HPSE2: variants seen among roughly 807,000 people sequenced by gnomAD.
HPSE2 encodes the protein heparanase 2 (inactive), also known as inactive heparanase-2.
In HPSE2, 38 loss-of-function variants were observed where a neutral mutation model predicts 60.5. The observed-to-expected ratio is 0.63, with a 90% CI of 0.48 to 0.82. The LOEUF (loss-of-function observed/expected upper bound fraction) is 0.82. Among genes scored for constraint, HPSE2 ranks in the 40% least tolerant of loss-of-function variants. HPSE2 has a pLI of 0.00. For synonymous variants in HPSE2, 295 were observed against 293.2 expected (o/e 1.01, Z -0.06); for missense variants, 713 against 740.4 (o/e 0.96, Z 0.43).
chr10:99,279,874 T>C, the HPSE2 span, among the ~76,000 whole-genome samples: 1 of 152,200 alleles, frequency 6.6e-6, no homozygotes, highest in East Asian at 1.9e-4. Context: ...GACGTGACTT[T>C]CCTGAAAAAT....
chr10:98,660,789 G>T (rs1017283331), intron 6 of HPSE2, among the ~76,000 whole-genome samples: 4 of 152,134 alleles, frequency 2.6e-5, no homozygotes, highest in African/African-American at 9.7e-5. Context: ...ATGGCATTTG[G>T]TGTCCCTTGA....
intron 3 of HPSE2, among the ~76,000 whole-genome samples, chr10:98,992,426 G>A (rs952750737): frequency 5.9e-5 from 9 of 152,144 alleles, no homozygotes; most frequent in Non-Finnish European, 1.3e-4. Context: ...ATGTGATTAT[G>A]TTGCTGCTAA....
At chr10:98,723,528 C>T (rs1296704944) in intron 4 of HPSE2, among the ~76,000 whole-genome samples, 2 of 152,132 alleles carry the variant, frequency 1.3e-5, no homozygotes, top group African/African-American at 4.8e-5. Flanking sequence ...GGAATAATTT[C>T]AGAAGGAATG....
chr10:98,823,130 G>T (rs1277868958), intron 3 of HPSE2, among the ~76,000 whole-genome samples: 1 of 152,112 alleles, frequency 6.6e-6, no homozygotes, highest in Non-Finnish European at 1.5e-5. Flanking sequence ...AAAGAATGTA[G>T]GCAGCCTCCT....
chr10:99,126,138 C>T lies in HPSE2; in HGVS notation c.610+18100G>A, dbSNP rs764415744. On this transcript the variant is annotated intron_variant, in intron 3 of 11. Transcript: ENST00000370552. The surrounding 1 kb of genome is among the most constrained non-coding windows in gnomAD (Gnocchi z 4.0). ...GAGTGAGGCACTGCAGGAACAAGAC[C>T]AGCCTTACCAACTGTGTGGGAGCTG... Among the ~76,000 whole-genome samples, 5 of 152,098 alleles carry T rather than the reference C, an allele frequency of 3.3e-5. No homozygotes were observed. Among genetic ancestry groups the T allele is most frequent in the Admixed American group, 6.5e-5 (1 of 15,270 alleles).
intron 5 of HPSE2, among the ~76,000 whole-genome samples, chr10:98,696,241 G>C (rs1948209196): frequency 6.7e-6 from 1 of 150,284 alleles, no homozygotes; most frequent in African/African-American, 2.4e-5. Context: ...ATTTTATGTA[G>C]GGACAGGGCC....
chr10:99,064,821 T>A (rs1449196073), intron 3 of HPSE2, among the ~76,000 whole-genome samples: 1 of 151,930 alleles, frequency 6.6e-6, no homozygotes, highest in East Asian at 1.9e-4. Flanking sequence ...TCAAGGAAAA[T>A]TTTTTAAAAG....
At chr10:99,298,177 C>T in the HPSE2 span, among the ~76,000 whole-genome samples, 12 of 152,264 alleles carry the variant, frequency 7.9e-5, no homozygotes, top group East Asian at 1.4e-3. Flanking sequence ...ACCTAGGCAA[C>T]GCTGTCTACC....
chr10:99,062,986 T>C (rs1184927882), intron 3 of HPSE2, among the ~76,000 whole-genome samples: 1 of 152,182 alleles, frequency 6.6e-6, no homozygotes, highest in Non-Finnish European at 1.5e-5. Flanking sequence ...CCCATTCACC[T>C]ATTTTCTACT....
In HPSE2 at chr10:98,932,782, C is replaced by T. The variant is rs1325430335; in HGVS notation, c.611-188726G>A. 2.1e-5 allele frequency among the ~76,000 whole-genome samples: 3 copies of T among 143,466 alleles called. 1 individual carries two copies. Among genetic ancestry groups the T allele is most frequent in the Non-Finnish European group, 4.5e-5 (3 of 67,058 alleles). 94.1% of individuals were successfully genotyped at this position (143,466 alleles called of 152,430 possible). ...TTTTTAAAGAGGTGTTTATAGTATT[C>T]TCTGATGGTTGTTTGTATTTCTCTA... On this transcript the variant is annotated intron_variant, in intron 3 of 11. Coordinates refer to ENST00000370552, the MANE Select transcript of HPSE2 (RefSeq NM_021828.5).
At chr10:98,693,308 T>C (rs537974776) in intron 6 of HPSE2, among the ~76,000 whole-genome samples, 2 of 152,372 alleles carry the variant, frequency 1.3e-5, no homozygotes, top group South Asian at 2.1e-4. Flanking sequence ...TTTAAATTTA[T>C]TTATCAGATA....
rs188076681 is a variant in HPSE2 at position 98,931,369 on chromosome 10, T to C, written c.611-187313A>G. 5.2e-4 allele frequency among the ~76,000 whole-genome samples: 75 copies of C among 144,500 alleles called. 4 individuals are homozygous for C. Among genetic ancestry groups the C allele is most frequent in the Non-Finnish European group, 9.5e-4 (64 of 67,254 alleles). 94.8% of individuals were successfully genotyped at this position (144,500 alleles called of 152,430 possible). A position where few individuals can be genotyped will look rare whatever the true frequency, so the allele number is the denominator to read the frequency against. On this transcript the variant is annotated intron_variant, in intron 3 of 11. Transcript: ENST00000370552. ...CAGTACCATGCTATTTTGGTTACTA[T>C]GGCCTTGTAGTACAGTTTGAAGTTG...
intron 3 of HPSE2, among the ~76,000 whole-genome samples, chr10:99,103,620 T>C (rs1379232225): frequency 1.3e-5 from 2 of 152,100 alleles, no homozygotes; most frequent in Admixed American, 6.6e-5. Flanking sequence ...CTTCGCAGAA[T>C]TGGAAAAAAC....
chr10:98,491,512 ATTACT>A (rs1442053247), intron 9 of HPSE2, among the ~76,000 whole-genome samples: 6 of 152,304 alleles, frequency 3.9e-5, no homozygotes, highest in South Asian at 4.1e-4. Context: ...GTTTTTGATG[ATTACT>A]TTATGAAGTG....
chr10:99,052,599 G>A (rs1958015804), intron 3 of HPSE2, among the ~76,000 whole-genome samples: 1 of 151,896 alleles, frequency 6.6e-6, no homozygotes, highest in African/African-American at 2.4e-5. Context: ...AAAACATAAA[G>A]AGAACCACAC....
intron 3 of HPSE2, among the ~76,000 whole-genome samples, chr10:98,761,975 C>CTG (rs200722153): frequency 6.8e-6 from 1 of 148,136 alleles, no homozygotes; most frequent in African/African-American, 2.5e-5. Context: ...ATTTACCTTC[C>CTG]CTCCCCTCCC....
chr10:98,895,811 C>T (rs369575622), intron 3 of HPSE2, among the ~76,000 whole-genome samples: 12 of 150,434 alleles, frequency 8.0e-5, no homozygotes, highest in African/African-American at 2.7e-4. Context: ...TGGAAATCAT[C>T]ATTCTCAGTA....
chr10:98,880,325 T>C (rs1175989519), intron 3 of HPSE2, among the ~76,000 whole-genome samples: 3 of 152,074 alleles, frequency 2.0e-5, no homozygotes, highest in Non-Finnish European at 4.4e-5. Flanking sequence ...CACAACTAAG[T>C]ATCCTGCAAC....
At chr10:98,845,744 CG>C in intron 3 of HPSE2, among the ~76,000 whole-genome samples, 1 of 152,228 alleles carries the variant, frequency 6.6e-6, no homozygotes. Flanking sequence ...GGGGACTTCC[CG>C]TCTACTCTCC....
Sources: allele counts gnomAD v4.1 joint callset (sites outside exome capture counted in the v4.1 genomes callset), GRCh38; gene constraint gnomAD v4.1.1; non-coding constraint Gnocchi (gnomAD v3.1); transcripts MANE v1.5; gene names NCBI Gene and HGNC (gene_info 2026-07-23, HGNC 2026-07-21).